The following GOLGB1 variants were observed in gnomAD, a reference collection of about 807,000 sequenced individuals.
GOLGB1 encodes golgin B1, also known as golgin subfamily B member 1.
In GOLGB1, 174 loss-of-function variants were observed where a neutral mutation model predicts 336.9. That is an observed-to-expected ratio of 0.52 (90% confidence interval 0.46 to 0.59). The LOEUF is 0.59. GOLGB1 is among the 20% of genes least tolerant of loss of function. The pLI is 0.00. For missense variants in GOLGB1, 3,331 were observed against 3,645.3 expected (o/e 0.91, Z 2.22); for synonymous variants, 1,208 against 1,289.2 (o/e 0.94, Z 1.35).
In GOLGB1 at chr3:121,697,937, G is replaced by A; in HGVS notation, c.2586C>T (p.Ile862=). The change falls in exon 13 of 22, where the codon ATC becomes ATT. Residue 862 remains isoleucine, a synonymous_variant. Coordinates refer to ENST00000614479, the MANE Select transcript of GOLGB1 (RefSeq NM_001366282.2). ...GGGACAGTTCTTCCACTTTACTTGA[G>A]ATATGCCTTACACGTTCTGCCCCCT... The part of the protein sequence containing the change: ...VLEGAERVRH[I]SSKVEELSQA... The A allele has an allele frequency of 6.2e-7, 1 of 1,614,054 alleles. No homozygotes were observed. The highest frequency in any genetic ancestry group is 8.5e-7 in the Non-Finnish European group (1 of 1,179,968).
rs752783898 is a variant in GOLGB1 at position 121,669,342 on chromosome 3, A to G, written c.9191T>C (p.Leu3064Pro). The change falls in exon 18 of 22, where the codon CTG becomes CCG. Residue 3064 changes from leucine to proline, a missense_variant. Transcript: ENST00000614479. ...QQLNSNFSQLLEEKNTLSIQL... is the reference protein window; with the variant it reads ...QQLNSNFSQLPEEKNTLSIQL... Reference sequence around the variant, plus strand: ...AATGGAAAGGGTGTTTTTCTCTTCCAGTAGCTGAGAGAACTGAAACAGAGG... The same window carrying G: ...AATGGAAAGGGTGTTTTTCTCTTCCGGTAGCTGAGAGAACTGAAACAGAGG... 4 of 1,613,852 alleles carry G rather than the reference A, an allele frequency of 2.5e-6. No individual in the cohort carries two copies. The East Asian group carries it at 8.9e-5, about 36-fold the overall frequency.
chr3:121,699,288 C>T (rs1204160866), intron 12 of GOLGB1, among the ~76,000 whole-genome samples: 2 of 151,976 alleles, frequency 1.3e-5, no homozygotes, highest in Non-Finnish European at 2.9e-5. Flanking sequence ...CACATTACTC[C>T]TCAAGGGCAT....
At chr3:121,705,389 C>A (rs1267663592) in intron 10 of GOLGB1, among the ~76,000 whole-genome samples, 1 of 152,130 alleles carries the variant, frequency 6.6e-6, no homozygotes, top group African/African-American at 2.4e-5. Context: ...CAATAACAAC[C>A]AAAACCAGAC....
chr3:121,718,303 A>T (rs2108139636), intron 8 of GOLGB1, 85 bp downstream of exon 8: 1 of 789,968 alleles, frequency 1.3e-6, no homozygotes. Context: ...GAAGACTTTA[A>T]ATAGGCTTTT....
In GOLGB1 at chr3:121,695,805, G is replaced by C; in HGVS notation, c.4718C>G (p.Ser1573Cys). The change falls in exon 13 of 22, where the codon TCC becomes TGC. Residue 1573 changes from serine to cysteine, a missense_variant. By Grantham distance (112) the Ser-to-Cys change is moderately radical (BLOSUM62 -1). Coordinates refer to ENST00000614479, the MANE Select transcript of GOLGB1 (RefSeq NM_001366282.2). ...SLLENQSLSS[S>C]CESLKLALEG... ...TAGAGCTAGTTTTAGACTTTCACAG[G>C]AGCTGCTGAGACTCTGATTTTCCAA... is the stretch of plus-strand genomic sequence containing the variant. 1 of 1,613,754 alleles carries C rather than the reference G, an allele frequency of 6.2e-7. No individual in the cohort carries two copies. Among genetic ancestry groups the C allele is most frequent in the Non-Finnish European group, 8.5e-7 (1 of 1,179,972 alleles).
intron 13 of GOLGB1, among the ~76,000 whole-genome samples, chr3:121,693,399 A>G (rs1347240602): frequency 1.3e-5 from 2 of 152,140 alleles, no homozygotes; most frequent in African/African-American, 4.8e-5. Flanking sequence ...GAGGCAGGAG[A>G]ATTGCTTGAA....
chr3:121,677,632 T>C (rs1248016351), intron 15 of GOLGB1, among the ~76,000 whole-genome samples, 182 bp from the exon 16 acceptor site: 1 of 152,240 alleles, frequency 6.6e-6, no homozygotes, highest in Non-Finnish European at 1.5e-5. Context: ...GGAATCTTTT[T>C]TTCTCTATCT....
chr3:121,694,289 T>G lies in GOLGB1; in HGVS notation c.6234A>C (p.Ala2078=), dbSNP rs144714777. The G allele has an allele frequency of 1.2e-5, 19 of 1,610,450 alleles. No homozygotes were observed. In the African/African-American group the frequency reaches 2.4e-4, roughly 20 times the overall value. ...LAQAVEHRKK[A]QAELASFKVL... is the part of the protein sequence containing the mutation. ...CTTTGAAGCTAGCTAATTCTGCTTG[T>G]GCCTTTTTGCGGTGTTCAACTGCTT... Residue 2078 remains alanine (A), a synonymous_variant, in exon 13 of 22, where the codon GCA becomes GCC. Transcript: ENST00000614479.
intron 15 of GOLGB1, among the ~76,000 whole-genome samples, chr3:121,679,583 C>T (rs1490874123): frequency 6.6e-6 from 1 of 152,162 alleles, no homozygotes. Flanking sequence ...TGATACTAAC[C>T]ACCATACTCC....
chr3:121,675,238 A>G (rs1188344415), intron 17 of GOLGB1, among the ~76,000 whole-genome samples: 1 of 152,248 alleles, frequency 6.6e-6, no homozygotes, highest in Admixed American at 6.5e-5. Context: ...GGAATTACAT[A>G]TCTCAATAAA....
chr3:121,719,782 C>G lies in GOLGB1; in HGVS notation c.649-14G>C. On this transcript the variant is annotated splice_polypyrimidine_tract_variant and intron_variant, in intron 6 of 21. Transcript: ENST00000614479. ...CATGGAACTCAACTGAAGACACATA[C>G]CAGAGAAACTATGCAAGTTACACTC... The G allele has an allele frequency of 6.3e-7, 1 of 1,584,540 alleles. No homozygotes were observed. The highest frequency in any genetic ancestry group is 8.6e-7 in the Non-Finnish European group (1 of 1,166,364).
Position 121,667,480 on chromosome 3 carries a change from T to C in GOLGB1, c.9550A>G (p.Arg3184Gly). The C allele has an allele frequency of 6.2e-7, 1 of 1,613,920 alleles. No individual in the cohort carries two copies. The highest frequency in any genetic ancestry group is 1.1e-5 in the South Asian group (1 of 91,062). ...GCTATCTCCTTCAGCCTTTACCGTC[T>C]GATCTGCTCCTCGGCCACAGAGAGA... is the stretch of plus-strand genomic sequence containing the variant. ...NALSVAEEQI[R>G]RLEHSEWDSS... is the part of the protein sequence containing the mutation. The change falls in exon 20 of 22, where the codon AGA becomes GGA. Residue 3184 changes from arginine (R) to glycine (G), a missense_variant. Physicochemically the swap from Arg to Gly is moderately radical, Grantham distance 125. Coordinates refer to ENST00000614479, the MANE Select transcript of GOLGB1 (RefSeq NM_001366282.2).
At position 121,664,272 on chromosome 3, in the gene GOLGB1, TC is replaced by T. The variant is rs1189362728; in HGVS notation, c.*207del. The T allele has an allele frequency of 1.7e-6, 1 of 587,904 alleles. No individual in the cohort carries two copies. Among genetic ancestry groups the T allele is most frequent in the African/African-American group, 1.9e-5 (1 of 53,582 alleles). 36.4% of individuals were successfully genotyped at this position (587,904 alleles called of 1,614,324 possible). ...TCAGATTAAGCAGAAGCGTTCAGGCTCAGGGCAGTAGAAGAAAGCAGACTCG... is the reference window on the plus strand; with the variant it reads ...TCAGATTAAGCAGAAGCGTTCAGGCTAGGGCAGTAGAAGAAAGCAGACTCG... On this transcript the variant is annotated 3_prime_UTR_variant, in exon 22 of 22. Transcript: ENST00000614479.
intron 1 of GOLGB1, among the ~76,000 whole-genome samples, chr3:121,737,262 A>G (rs1946535539): frequency 6.6e-6 from 1 of 152,264 alleles, no homozygotes; most frequent in Admixed American, 6.5e-5. Flanking sequence ...ATGCTTTGAT[A>G]GGAAAAATCA....
At position 121,692,539 on chromosome 3, in the gene GOLGB1, T is replaced by C; in HGVS notation, c.6825A>G (p.Thr2275=). 3 of 1,606,018 alleles carry C rather than the reference T, an allele frequency of 1.9e-6. No individual in the cohort carries two copies. The highest frequency in any genetic ancestry group is 2.5e-6 in the Non-Finnish European group (3 of 1,177,472). The part of the protein sequence containing the change: ...DKQIWESKAQ[T]EVQLQQKVCD... ...AGACCTTCTGCTGAAGCTGGACCTC[T>C]GTCTGGGCCTTGGACTCCCAAATCT... The change falls in exon 14 of 22, where the codon ACA becomes ACG. Residue 2275 remains threonine (T), a synonymous_variant. Coordinates refer to ENST00000614479, the MANE Select transcript of GOLGB1 (RefSeq NM_001366282.2).
intron 5 of GOLGB1, among the ~76,000 whole-genome samples, chr3:121,724,767 C>T (rs2108222297): frequency 6.6e-6 from 1 of 152,206 alleles, no homozygotes; most frequent in South Asian, 2.1e-4. Flanking sequence ...TTAAGGCTGC[C>T]CCAACAGCCC....
chr3:121,667,681 G>A (rs1006411034), intron 19 of GOLGB1, 71 bp from the exon 20 acceptor site: 20 of 1,384,882 alleles, frequency 1.4e-5, no homozygotes, highest in African/African-American at 1.3e-4. Flanking sequence ...GGGATTCAAA[G>A]TCTTCATAAG....
intron 2 of GOLGB1, 85 bp downstream of exon 2, chr3:121,730,791 G>A (rs549127369): frequency 3.0e-6 from 4 of 1,326,624 alleles, no homozygotes; most frequent in Non-Finnish European, 4.0e-6. Flanking sequence ...GGGAGGCTTC[G>A]CACACCCTTC....
Position 121,669,316 on chromosome 3 carries a change from G to C in GOLGB1, c.9217C>G (p.Gln3073Glu). 1 of 1,613,934 alleles carries C rather than the reference G, an allele frequency of 6.2e-7. No homozygotes were observed. Among genetic ancestry groups the C allele is most frequent in the Non-Finnish European group, 8.5e-7 (1 of 1,179,780 alleles). Residue 3073 changes from glutamine (Q) to glutamate (E), a missense_variant, in exon 18 of 22, where the codon CAG (glutamine) becomes GAG (glutamate). Physicochemically the swap from Gln to Glu is conservative, Grantham distance 29. Transcript: ENST00000614479. The stretch of plus-strand genomic sequence containing the variant: ...AGACTCTGACTGGTATCGCAGAGCT[G>C]AATGGAAAGGGTGTTTTTCTCTTCC... ...LLEEKNTLSI[Q>E]LCDTSQSLRE...
Sources: gnomAD v4.1 joint callset for allele counts (sites outside exome capture counted in the v4.1 genomes callset) on GRCh38, gnomAD v4.1.1 for gene constraint, MANE v1.5 for transcripts, NCBI Gene and HGNC (gene_info 2026-07-23, HGNC 2026-07-21) for gene names.